The following COL22A1 variants were observed in gnomAD, a reference collection of about 807,000 sequenced individuals.
COL22A1 encodes the protein collagen type XXII alpha 1 chain.
COL22A1 carries 221 observed loss-of-function variants against 248.9 expected under a neutral mutation model. The ratio of observed to expected loss-of-function variants is 0.89; its 90% CI spans 0.80 to 0.99. The LOEUF is 0.99. Ranked by LOEUF, COL22A1 falls within the 50% of genes least tolerant of loss-of-function variation. The pLI is 0.00. For synonymous variants in COL22A1, 891 were observed against 793.4 expected, an observed-to-expected ratio of 1.12 and a Z score of -2.07; for missense variants, 2,240 against 2,179.0, an observed-to-expected ratio of 1.03 and a Z score of -0.56.
In COL22A1 at chr8:138,911,707, G is replaced by A. The variant is rs75746738; in HGVS notation, c.-73+1912C>T. Among the ~76,000 whole-genome samples, 58 of 152,256 alleles carry A rather than the reference G, an allele frequency of 3.8e-4. 1 individual carries two copies. The East Asian group carries it at 9.7e-3, about 25-fold the overall frequency. Reference sequence around the variant, plus strand: ...AAACTACACACAAAGCCTTAAAACTGTCTGTGGACTGCATCCGTTTAGGGG... The same window carrying A: ...AAACTACACACAAAGCCTTAAAACTATCTGTGGACTGCATCCGTTTAGGGG... On this transcript the variant is annotated intron_variant, in intron 1 of 64. Transcript: ENST00000303045.
chr8:138,688,980 G>T lies in COL22A1; in HGVS notation c.2809-10C>A. 1 of 1,609,496 alleles carries T rather than the reference G, an allele frequency of 6.2e-7. No homozygotes were observed. The highest frequency in any genetic ancestry group is 8.5e-7 in the Non-Finnish European group (1 of 1,175,846). On this transcript the variant is annotated splice_polypyrimidine_tract_variant and intron_variant, in intron 36 of 64. Transcript: ENST00000303045. ...TGAGGCCGGGAGCACCCTGTGGCAA[G>T]GAAGATTACGGACATGGTGAATTTA...
At chr8:138,829,892 A>G (rs1230564112) in intron 5 of COL22A1, among the ~76,000 whole-genome samples, 1 of 152,110 alleles carries the variant, frequency 6.6e-6, no homozygotes, top group Non-Finnish European at 1.5e-5. Flanking sequence ...CCTGATTATA[A>G]TAACTTTTGC....
chr8:138,726,431 A>C lies in COL22A1; in HGVS notation c.2140-991T>G, dbSNP rs112487624. 1.6e-3 allele frequency among the ~76,000 whole-genome samples: 241 copies of C among 146,618 alleles called. 1 individual carries two copies. Among genetic ancestry groups the C allele is most frequent in the African/African-American group, 5.6e-3 (222 of 39,548 alleles). ...AGGATTGTTTGAGACTGGGAGTTTG[A>C]GGCTGCAGTGAGCTGTGATTGTGCC... On this transcript the variant is annotated intron_variant, in intron 23 of 64. Transcript: ENST00000303045.
chr8:138,860,037 C>T (rs1822333539), intron 3 of COL22A1, among the ~76,000 whole-genome samples: 1 of 152,182 alleles, frequency 6.6e-6, no homozygotes, highest in African/African-American at 2.4e-5. Flanking sequence ...CAGTTATCTG[C>T]TCACATTTCC....
At chr8:138,606,828 T>C (rs1433250133) in intron 57 of COL22A1, among the ~76,000 whole-genome samples, 1 of 152,098 alleles carries the variant, frequency 6.6e-6, no homozygotes, top group African/African-American at 2.4e-5. Context: ...GAATCACATT[T>C]TGGGAAAGGA....
At chr8:138,603,592 C>G (rs773748859) in intron 59 of COL22A1, among the ~76,000 whole-genome samples, 3 of 152,058 alleles carry the variant, frequency 2.0e-5, no homozygotes, top group African/African-American at 7.2e-5. Context: ...GGCAGCAGCC[C>G]AAGTACAAGC....
rs1820177218 is a variant in COL22A1, at chr8:138,833,165, G to T, written c.734-15C>A. The T allele has an allele frequency of 6.4e-7, 1 of 1,560,670 alleles. No individual in the cohort carries two copies. The highest frequency in any genetic ancestry group is 1.1e-5 in the South Asian group (1 of 89,980). ...CAGGTCAAAACCTGTACAAAGAGAA[G>T]AGCTGGGAGTGAGTTTGGAGAAGGA... On this transcript the variant is annotated splice_polypyrimidine_tract_variant and intron_variant, in intron 4 of 64. Transcript: ENST00000303045.
At chr8:138,805,363 GCATGGGTGTGT>G in intron 10 of COL22A1, among the ~76,000 whole-genome samples, 4 of 77,872 alleles carry the variant, frequency 5.1e-5, no homozygotes, top group Admixed American at 2.3e-4. Context: ...GTGATGGTGT[GCATGGGTGTGT>G]GATGGTGTGG....
chr8:138,819,580 A>G (rs1357171465), intron 7 of COL22A1, among the ~76,000 whole-genome samples: 1 of 148,520 alleles, frequency 6.7e-6, no homozygotes, highest in Non-Finnish European at 1.5e-5. Flanking sequence ...ATATGTATCT[A>G]TATATAATGT....
intron 1 of COL22A1, among the ~76,000 whole-genome samples, chr8:138,901,083 T>C (rs1399847609): frequency 1.3e-5 from 2 of 152,106 alleles, no homozygotes; most frequent in Non-Finnish European, 2.9e-5. Context: ...TTTGGAAATA[T>C]TTCCTGTGGA....
intron 16 of COL22A1, among the ~76,000 whole-genome samples, chr8:138,773,876 C>T (rs766991455): frequency 6.6e-6 from 1 of 152,234 alleles, no homozygotes. Flanking sequence ...GAGTCTCAAG[C>T]TTCCTCTGGC....
intron 23 of COL22A1, among the ~76,000 whole-genome samples, chr8:138,737,247 C>A (rs1831193081): frequency 6.6e-6 from 1 of 152,192 alleles, no homozygotes. Flanking sequence ...CGCCTCCCAG[C>A]ACTTCCCTTT....
chr8:138,776,136 A>T, intron 15 of COL22A1, 126 bp from the exon 16 acceptor site: 1 of 881,300 alleles, frequency 1.1e-6, no homozygotes, highest in Non-Finnish European at 1.9e-6. Flanking sequence ...GGTGATAGTG[A>T]GGACCCTGTC....
At chr8:138,666,038 A>AT (rs937155591) in intron 41 of COL22A1, among the ~76,000 whole-genome samples, 46 of 152,144 alleles carry the variant, frequency 3.0e-4, no homozygotes, top group African/African-American at 8.2e-4. Context: ...TGAACTAAAA[A>AT]ATATATATAT....
chr8:138,624,392 G>A (rs566160899), intron 51 of COL22A1, among the ~76,000 whole-genome samples: 1 of 152,240 alleles, frequency 6.6e-6, no homozygotes, highest in East Asian at 1.9e-4. Context: ...AAGTAACAGG[G>A]CCCAGTCTTT....
At chr8:138,781,964 A>G (rs1364408194) in intron 12 of COL22A1, among the ~76,000 whole-genome samples, 1 of 152,264 alleles carries the variant, frequency 6.6e-6, no homozygotes, top group Non-Finnish European at 1.5e-5. Context: ...TTCTACATAC[A>G]TCATCTGATT....
intron 4 of COL22A1, among the ~76,000 whole-genome samples, chr8:138,842,040 A>G (rs1167673498): frequency 6.6e-6 from 1 of 152,198 alleles, no homozygotes; most frequent in Non-Finnish European, 1.5e-5. Context: ...CACATTGTAC[A>G]GTCCAAGCTC....
chr8:138,743,310 TGAG>T (rs544281509), intron 22 of COL22A1, among the ~76,000 whole-genome samples: 5 of 126,572 alleles, frequency 4.0e-5, no homozygotes, highest in Non-Finnish European at 8.5e-5. Context: ...GTGTAGTTGA[TGAG>T]GGTGATGGTG....
intron 3 of COL22A1, among the ~76,000 whole-genome samples, chr8:138,850,941 T>A (rs1300320001): frequency 1.3e-5 from 2 of 152,162 alleles, no homozygotes. Flanking sequence ...CAACACATAT[T>A]TGCCAAGTGC....
Sources: gnomAD v4.1 joint callset for allele counts (sites outside exome capture counted in the v4.1 genomes callset) on GRCh38, gnomAD v4.1.1 for gene constraint, MANE v1.5 for transcripts, NCBI Gene and HGNC (gene_info 2026-07-23, HGNC 2026-07-21) for gene names.